Variants in MAML3 observed in about 807,000 individuals in gnomAD.
MAML3 encodes mastermind-like protein 3.
MAML3 carries 27 observed loss-of-function variants against 101.9 expected under a neutral mutation model. The ratio of observed to expected loss-of-function variants is 0.27; its 90% CI spans 0.20 to 0.37. The LOEUF (loss-of-function observed/expected upper bound fraction) is 0.37, where lower values mean the gene tolerates loss of function less well. Among genes scored for constraint, MAML3 ranks in the 10% least tolerant of loss-of-function variants. The probability of loss-of-function intolerance (pLI) is 1.00; values close to 1 mark genes in which losing one functional copy is unlikely to be tolerated. For synonymous variants in MAML3, 501 were observed against 555.9 expected, an observed-to-expected ratio of 0.90 and a Z score of 1.39; for missense variants, 1,316 against 1,444.9, an observed-to-expected ratio of 0.91 and a Z score of 1.45.
chr4:139,831,953 C>G (rs193253042), intron 2 of MAML3, among the ~76,000 whole-genome samples: 1 of 151,826 alleles, frequency 6.6e-6, no homozygotes, highest in Non-Finnish European at 1.5e-5. Flanking sequence ...CCACCACGCC[C>G]GGCTAATTTT....
chr4:140,045,579 T>C (rs985519677), intron 1 of MAML3, among the ~76,000 whole-genome samples: 9 of 152,190 alleles, frequency 5.9e-5, no homozygotes, highest in African/African-American at 2.2e-4. Context: ...CTTACACAGC[T>C]AATCTCCTGT....
intron 1 of MAML3, among the ~76,000 whole-genome samples, chr4:140,023,343 T>C (rs1157707078): frequency 6.6e-6 from 1 of 152,204 alleles, no homozygotes; most frequent in Non-Finnish European, 1.5e-5. Context: ...TGTGCTTCCA[T>C]GGCCATCATC....
chr4:139,973,170 T>C (rs1734260136), intron 1 of MAML3, among the ~76,000 whole-genome samples: 1 of 152,192 alleles, frequency 6.6e-6, no homozygotes, highest in Admixed American at 6.5e-5. Context: ...CATAGTGAAA[T>C]CATGCTATGG....
chr4:139,779,667 A>T (rs1730163371), intron 2 of MAML3, among the ~76,000 whole-genome samples: 1 of 152,234 alleles, frequency 6.6e-6, no homozygotes, highest in African/African-American at 2.4e-5. Flanking sequence ...ACAGACCGGA[A>T]CACGGACTGG....
intron 1 of MAML3, among the ~76,000 whole-genome samples, chr4:140,077,674 G>A (rs1462503303): frequency 6.6e-6 from 1 of 152,156 alleles, no homozygotes; most frequent in Non-Finnish European, 1.5e-5. Context: ...AAGTAGGCTA[G>A]TATTATTTAC....
At chr4:140,030,693 C>T (rs184973023) in intron 1 of MAML3, among the ~76,000 whole-genome samples, 1 of 152,318 alleles carries the variant, frequency 6.6e-6, no homozygotes, top group African/African-American at 2.4e-5. Context: ...CCATCCCAGT[C>T]TCCCAGCTTG....
Position 140,090,261 on chromosome 4 carries a change from A to G in MAML3, c.468+62599T>C, listed in dbSNP as rs1424793111. Among the ~76,000 whole-genome samples the G allele has an allele frequency of 3.3e-5, 5 of 152,190 alleles. No homozygotes were observed. The East Asian group carries it at 7.7e-4, about 23-fold the overall frequency. On this transcript the variant is annotated intron_variant, in intron 1 of 4. Coordinates refer to ENST00000509479, the MANE Select transcript of MAML3 (RefSeq NM_018717.5). ...TGTTTTCCAGTGTGGAATATCCAAC[A>G]ATGAAACAGCGAAATGAACTCTAGC...
At chr4:139,985,302 G>A (rs763757368) in intron 1 of MAML3, among the ~76,000 whole-genome samples, 9 of 152,200 alleles carry the variant, frequency 5.9e-5, no homozygotes, top group African/African-American at 1.7e-4. Flanking sequence ...AAGAGTGAGC[G>A]TAGGAACATA....
chr4:139,927,254 T>C (rs1183456165), intron 1 of MAML3, among the ~76,000 whole-genome samples: 5 of 152,100 alleles, frequency 3.3e-5, no homozygotes, highest in Admixed American at 6.5e-5. Flanking sequence ...GGTTACGTAT[T>C]TTTAGCAAGA....
chr4:139,891,346 T>C (rs750121932), intron 1 of MAML3, among the ~76,000 whole-genome samples: 5 of 152,224 alleles, frequency 3.3e-5, no homozygotes, highest in Admixed American at 6.5e-5. Context: ...TGGTGCTATC[T>C]TGGTTCACTG....
chr4:140,049,358 G>T (rs1727231565), intron 1 of MAML3, among the ~76,000 whole-genome samples: 1 of 152,094 alleles, frequency 6.6e-6, no homozygotes, highest in Non-Finnish European at 1.5e-5. Context: ...AGCCTATGGG[G>T]GTCAGGATGC....
At chr4:139,878,797 C>A (rs1429614147) in intron 2 of MAML3, among the ~76,000 whole-genome samples, 1 of 152,184 alleles carries the variant, frequency 6.6e-6, no homozygotes, top group Non-Finnish European at 1.5e-5. Context: ...GACCTCTGTG[C>A]CTGAGAGCAG....
chr4:139,776,484 GT>G (rs1271607382), intron 2 of MAML3, among the ~76,000 whole-genome samples: 1 of 152,160 alleles, frequency 6.6e-6, no homozygotes, highest in Non-Finnish European at 1.5e-5. Context: ...TGATAGATAA[GT>G]GAAAAATAAC....
chr4:140,041,163 ATCTGAAT>A (rs1727079465), intron 1 of MAML3, among the ~76,000 whole-genome samples: 1 of 152,184 alleles, frequency 6.6e-6, no homozygotes, highest in South Asian at 2.1e-4. Flanking sequence ...ATACAGAGGT[ATCTGAAT>A]TTTTGAGAGG....
intron 1 of MAML3, among the ~76,000 whole-genome samples, chr4:140,059,718 C>T (rs1262952887): frequency 6.6e-6 from 1 of 151,876 alleles, no homozygotes; most frequent in Non-Finnish European, 1.5e-5. Context: ...TGAAAACTGA[C>T]CTATATAATT....
rs1180427434 is a variant in MAML3 at position 139,716,974 on chromosome 4, C to G, written c.*2349G>C. Reference sequence around the variant, plus strand: ...TAGTAATTAGATGTCATCTGAAGTGCAATACCACTGCTGTGATGATGAGTT... The same window carrying G: ...TAGTAATTAGATGTCATCTGAAGTGGAATACCACTGCTGTGATGATGAGTT... On this transcript the variant is annotated 3_prime_UTR_variant, in exon 5 of 5. Coordinates refer to ENST00000509479, the MANE Select transcript of MAML3 (RefSeq NM_018717.5). 1 of 152,406 alleles carries G rather than the reference C, an allele frequency of 6.6e-6. No homozygotes were observed. Among genetic ancestry groups the G allele is most frequent in the Middle Eastern group, 3.2e-3 (1 of 316 alleles). 9.4% of individuals were successfully genotyped at this position (152,406 alleles called of 1,614,324 possible).
intron 1 of MAML3, among the ~76,000 whole-genome samples, chr4:140,132,019 T>C (rs1728802749): frequency 6.6e-6 from 1 of 152,252 alleles, no homozygotes; most frequent in Non-Finnish European, 1.5e-5. Context: ...AGTGTGTATG[T>C]GCGGCAATTG....
At chr4:140,049,085 G>A (rs1010125659) in intron 1 of MAML3, among the ~76,000 whole-genome samples, 45 of 152,168 alleles carry the variant, frequency 3.0e-4, no homozygotes, top group African/African-American at 1.1e-3. Context: ...CAGGCAGTTT[G>A]GGGGCAGAAA....
chr4:140,040,149 A>G (rs1347271743), intron 1 of MAML3, among the ~76,000 whole-genome samples: 1 of 152,214 alleles, frequency 6.6e-6, no homozygotes, highest in East Asian at 1.9e-4. Flanking sequence ...TCTCAGAGAC[A>G]CACAGGGAGA....
Sources: gnomAD v4.1 joint callset for allele counts (sites outside exome capture counted in the v4.1 genomes callset) on GRCh38, gnomAD v4.1.1 for gene constraint, MANE v1.5 for transcripts, NCBI Gene and HGNC (gene_info 2026-07-23, HGNC 2026-07-21) for gene names.